LAMB1: variants seen among roughly 807,000 people sequenced by gnomAD.
LAMB1 encodes the protein laminin subunit beta 1.
In LAMB1, 121 loss-of-function variants were observed where a neutral mutation model predicts 222.3. The observed-to-expected ratio is 0.54, with a 90% confidence interval of 0.47 to 0.63. The LOEUF (loss-of-function observed/expected upper bound fraction) is 0.63, where lower values mean the gene tolerates loss of function less well. Among genes scored for constraint, LAMB1 ranks in the 30% least tolerant of loss-of-function variants. The probability of loss-of-function intolerance (pLI) is 0.00; values close to 1 mark genes in which losing one functional copy is unlikely to be tolerated. For missense variants in LAMB1, 2,172 were observed against 2,240.8 expected (o/e 0.97, Z 0.62); for synonymous variants, 794 against 807.2 (o/e 0.98, Z 0.28).
chr7:108,001,785 C>T (rs1382827407), intron 2 of LAMB1, 52 bp from the exon 3 acceptor site: 11 of 1,596,058 alleles, frequency 6.9e-6, no homozygotes, highest in Admixed American at 6.9e-5. Flanking sequence ...GGGAGTGGAG[C>T]CCGAAAAAAA....
intron 4 of LAMB1, among the ~76,000 whole-genome samples, chr7:107,995,176 T>C (rs1323406986): frequency 4.6e-5 from 7 of 152,230 alleles, no homozygotes; most frequent in Non-Finnish European, 4.4e-5. Context: ...CCACAAATCA[T>C]TCTGGAGTTC....
At chr7:107,964,473 G>A in intron 14 of LAMB1, 79 bp downstream of exon 14, 1 of 1,523,356 alleles carries the variant, frequency 6.6e-7, no homozygotes, top group Non-Finnish European at 9.0e-7. Context: ...CTTCTGAAAT[G>A]GGGTCTTTAC....
At chr7:107,973,152 G>C (rs935952406) in intron 12 of LAMB1, 81 bp from the exon 13 acceptor site, 2 of 1,117,062 alleles carry the variant, frequency 1.8e-6, no homozygotes, top group Non-Finnish European at 2.7e-6. Flanking sequence ...GTTAAAGCTT[G>C]TTTCGGCTGT....
intron 2 of LAMB1, chr7:108,002,090 C>A: frequency 6.8e-7 from 1 of 1,477,870 alleles, no homozygotes; most frequent in Non-Finnish European, 9.0e-7. Flanking sequence ...TGTCCGGAGC[C>A]CGGCGCAGGG....
At chr7:107,941,242 C>CAG (rs2032974379) in intron 24 of LAMB1, among the ~76,000 whole-genome samples, 1 of 152,204 alleles carries the variant, frequency 6.6e-6, no homozygotes, top group African/African-American at 2.4e-5. Flanking sequence ...TGCCCTTGAA[C>CAG]CCTGGCTTAG....
intron 12 of LAMB1, among the ~76,000 whole-genome samples, chr7:107,974,357 G>GAT (rs2033809871): frequency 2.8e-5 from 4 of 144,894 alleles, no homozygotes; most frequent in African/African-American, 7.5e-5. Flanking sequence ...TCCTGTGTGT[G>GAT]TTTTTTTTTT....
At chr7:107,997,469 A>G (rs769370440) in intron 4 of LAMB1, among the ~76,000 whole-genome samples, 15 of 152,164 alleles carry the variant, frequency 9.9e-5, no homozygotes, top group Non-Finnish European at 1.6e-4. Flanking sequence ...AAAGAAATCT[A>G]TTAAGGGCGT....
chr7:107,955,659 A>G (rs1402786068), intron 20 of LAMB1, 29 bp from the exon 21 acceptor site: 5 of 1,584,272 alleles, frequency 3.2e-6, no homozygotes, highest in Middle Eastern at 1.7e-4. Context: ...AGAACAGGCC[A>G]TGACCCCACA....
intron 24 of LAMB1, among the ~76,000 whole-genome samples, chr7:107,941,109 C>T (rs2032971335): frequency 1.3e-5 from 2 of 152,190 alleles, no homozygotes; most frequent in Non-Finnish European, 2.9e-5. Flanking sequence ...CTCAGCGTCT[C>T]ACAGGCCCAA....
intron 32 of LAMB1, among the ~76,000 whole-genome samples, chr7:107,925,765 TG>T (rs1368346208): frequency 4.6e-5 from 7 of 152,280 alleles, no homozygotes; most frequent in African/African-American, 1.7e-4. Flanking sequence ...TCCTACTACC[TG>T]TTCTCTGTTC....
rs2032740367 is a variant in LAMB1, at chr7:107,932,562, T to A, written c.4189-185A>T. ...GAGTTTAGGAGTAAACTAACCTGCT[T>A]ATTTCCAAGGAAACAATGGAAGTTT... On this transcript the variant is annotated intron_variant, in intron 27 of 33. Coordinates refer to ENST00000222399, the MANE Select transcript of LAMB1 (RefSeq NM_002291.3). 6 of 607,770 alleles carry A rather than the reference T, an allele frequency of 9.9e-6. No homozygotes were observed. In the East Asian group the frequency reaches 1.7e-4, roughly 17 times the overall value. 37.6% of individuals were successfully genotyped at this position (607,770 alleles called of 1,614,324 possible).
intron 4 of LAMB1, among the ~76,000 whole-genome samples, chr7:107,995,551 A>T (rs539865209): frequency 6.6e-6 from 1 of 152,248 alleles, no homozygotes; most frequent in Non-Finnish European, 1.5e-5. Flanking sequence ...GCCAGAGAAA[A>T]AAAGAATCTG....
intron 4 of LAMB1, 30 bp from the exon 5 acceptor site, chr7:107,994,990 T>G (rs750240638): frequency 1.7e-6 from 2 of 1,197,208 alleles, no homozygotes; most frequent in Non-Finnish European, 2.5e-6. Flanking sequence ...AATAAAACAA[T>G]AAATGAAACT....
chr7:107,972,587 CA>C (rs60255621), intron 13 of LAMB1, among the ~76,000 whole-genome samples: 54,682 of 132,582 alleles, frequency 0.41, 10,410 homozygotes, highest in East Asian at 0.69. Context: ...TTGGAAGTCA[CA>C]AAAAAAAAAA....
In LAMB1 at chr7:107,940,304, C is replaced by T. The variant is rs779579592; in HGVS notation, c.3446G>A (p.Gly1149Asp). 1.2e-6 allele frequency: 2 copies of T among 1,614,226 alleles called. No homozygotes were observed. The highest frequency in any genetic ancestry group is 3.3e-5 in the Admixed American group (2 of 60,030). The change falls in exon 25 of 34, where the codon GGC becomes GAC. Residue 1149 changes from glycine to aspartate, a missense_variant. Coordinates refer to ENST00000222399, the MANE Select transcript of LAMB1 (RefSeq NM_002291.3). ...AACACCCTCAACGCAGACACACTGG[C>T]CCGTGGACTGGTCACACTGTGGCGT... The part of the protein sequence containing the change: ...IETPQCDQST[G>D]QCVCVEGVEG...
intron 7 of LAMB1, among the ~76,000 whole-genome samples, chr7:107,981,732 A>G (rs780314287): frequency 1.3e-5 from 2 of 152,214 alleles, no homozygotes; most frequent in Non-Finnish European, 2.9e-5. Flanking sequence ...AGAAAATTCC[A>G]TTCAGGTAGG....
chr7:107,974,992 C>G lies in LAMB1; in HGVS notation c.1476G>C (p.Gln492His). The G allele has an allele frequency of 6.3e-7, 1 of 1,583,852 alleles. No individual in the cohort carries two copies. The highest frequency in any genetic ancestry group is 8.7e-7 in the Non-Finnish European group (1 of 1,153,646). The change falls in exon 12 of 34, where the codon CAG becomes CAC. Residue 492 changes from glutamine (Q) to histidine (H), a missense_variant. Coordinates refer to ENST00000222399, the MANE Select transcript of LAMB1 (RefSeq NM_002291.3). ...KRLVTGQHCD[Q>H]CLPEHWGLSN... ...GTAATGAGGATTTACTTACCAGGCA[C>G]TGGTCACAATGCTGTCCTGTCACCA...
At chr7:108,000,827 G>A (rs900282762) in intron 3 of LAMB1, among the ~76,000 whole-genome samples, 1 of 152,218 alleles carries the variant, frequency 6.6e-6, no homozygotes, top group Non-Finnish European at 1.5e-5. Context: ...CAGGCATGGA[G>A]CCATTTTGCT....
At chr7:107,929,388 C>G (rs368805835) in intron 30 of LAMB1, 24 bp downstream of exon 30, 90 of 1,601,414 alleles carry the variant, frequency 5.6e-5, no homozygotes, top group Non-Finnish European at 6.9e-5. Context: ...AAATAAGCCC[C>G]TTAGATGCCA....
Sources: gnomAD v4.1 joint callset for allele counts (sites outside exome capture counted in the v4.1 genomes callset) on GRCh38, gnomAD v4.1.1 for gene constraint, MANE v1.5 for transcripts, NCBI Gene and HGNC (gene_info 2026-07-23, HGNC 2026-07-21) for gene names.